The following RSPO2 variants were observed in gnomAD, a reference collection of about 807,000 sequenced individuals.
RSPO2 encodes R-spondin 2.
A neutral mutation model predicts 30.9 loss-of-function variants in RSPO2; 14 were observed. That is an observed-to-expected ratio of 0.45 (90% CI 0.30 to 0.71). The LOEUF (loss-of-function observed/expected upper bound fraction) is 0.71, where lower values mean the gene tolerates loss of function less well. Ranked by LOEUF, RSPO2 falls within the 30% of genes least tolerant of loss-of-function variation. The pLI, the probability that RSPO2 is intolerant of heterozygous loss-of-function variation, is 0.08. For synonymous variants in RSPO2, 107 were observed against 96.4 expected (o/e 1.11, Z -0.64); for missense variants, 264 against 301.9 (o/e 0.87, Z 0.93).
intron 5 of RSPO2, among the ~76,000 whole-genome samples, chr8:107,925,095 G>T (rs1482773291): frequency 6.6e-6 from 1 of 151,850 alleles, no homozygotes; most frequent in Non-Finnish European, 1.5e-5. Context: ...TTTTATGAAT[G>T]CATTTTTGAA....
At chr8:107,926,579 T>A (rs1812379810) in intron 5 of RSPO2, among the ~76,000 whole-genome samples, 1 of 152,128 alleles carries the variant, frequency 6.6e-6, no homozygotes, top group Non-Finnish European at 1.5e-5. Context: ...TTATATAAGG[T>A]GTAAGAAGGG....
chr8:107,901,369 A>C (rs934166180), intron 5 of RSPO2, among the ~76,000 whole-genome samples, 179 bp from the exon 6 acceptor site: 1 of 152,250 alleles, frequency 6.6e-6, no homozygotes, highest in East Asian at 1.9e-4. Context: ...TTACTAAATT[A>C]GATATGCTGT....
At chr8:108,075,678 G>C (rs915343199) in intron 2 of RSPO2, among the ~76,000 whole-genome samples, 1 of 146,716 alleles carries the variant, frequency 6.8e-6, no homozygotes, top group Non-Finnish European at 1.5e-5. Flanking sequence ...TTTTATACCT[G>C]TTTTTTTTTT....
At chr8:107,983,773 A>C in intron 3 of RSPO2, 1 of 1,599,294 alleles carries the variant, frequency 6.3e-7, no homozygotes, top group Non-Finnish European at 8.5e-7. Flanking sequence ...GTAGATGCTG[A>C]TTTTGTAGAA....
chr8:107,998,916 G>A (rs997742222), intron 2 of RSPO2, among the ~76,000 whole-genome samples: 3 of 151,972 alleles, frequency 2.0e-5, no homozygotes, highest in Non-Finnish European at 2.9e-5. Flanking sequence ...GCATGGTGCC[G>A]CATGCCTGTA....
chr8:107,917,168 T>C (rs929116900), intron 5 of RSPO2, among the ~76,000 whole-genome samples: 1 of 152,264 alleles, frequency 6.6e-6, no homozygotes, highest in African/African-American at 2.4e-5. Context: ...GTTTCTTCTA[T>C]CAGAGTAAAG....
intron 2 of RSPO2, among the ~76,000 whole-genome samples, chr8:108,018,337 A>T (rs1439048745): frequency 6.6e-6 from 1 of 152,212 alleles, no homozygotes; most frequent in African/African-American, 2.4e-5. Context: ...GACACATGGC[A>T]CTTGTAATAA....
intron 3 of RSPO2, among the ~76,000 whole-genome samples, chr8:107,965,131 A>T (rs1413095250): frequency 6.6e-6 from 1 of 152,190 alleles, no homozygotes; most frequent in Non-Finnish European, 1.5e-5. Flanking sequence ...TTTCTATAAA[A>T]ATATGGGTTT....
At chr8:108,000,730 G>T (rs376580762) in intron 2 of RSPO2, among the ~76,000 whole-genome samples, 1 of 151,936 alleles carries the variant, frequency 6.6e-6, no homozygotes, top group Non-Finnish European at 1.5e-5. Context: ...TCCCGGGCAC[G>T]GTGGCTCATG....
Position 108,030,058 on chromosome 8 carries a change from A to G in RSPO2, c.95-40814T>C, listed in dbSNP as rs184247281. ...CTCCTTTTGTCTCAGCTCCATGTCA[A>G]TTTTGTTTGGTACCTGGGTTGTAGA... On this transcript the variant is annotated intron_variant, in intron 2 of 5. Transcript: ENST00000276659. 2.4e-3 allele frequency among the ~76,000 whole-genome samples: 334 copies of G among 137,328 alleles called. 5 individuals are homozygous for G. The Admixed American group carries it at 0.025, about 10-fold the overall frequency. The allele number at this position is 137,328 out of a possible 152,430, so 90.1% of individuals were successfully genotyped here.
chr8:107,974,338 GA>G (rs964988944), intron 3 of RSPO2, among the ~76,000 whole-genome samples: 7 of 148,674 alleles, frequency 4.7e-5, no homozygotes, highest in South Asian at 2.1e-4. Flanking sequence ...AAAAAAAAAA[GA>G]AAAAAAGAAA....
intron 3 of RSPO2, among the ~76,000 whole-genome samples, chr8:107,981,289 T>TG (rs892121880): frequency 4.6e-5 from 7 of 151,908 alleles, no homozygotes; most frequent in African/African-American, 1.2e-4. Context: ...GAGGCCAAGA[T>TG]GGGGGGATTT....
At chr8:108,081,632 G>T (rs1813200777) in intron 2 of RSPO2, among the ~76,000 whole-genome samples, 1 of 152,148 alleles carries the variant, frequency 6.6e-6, no homozygotes, top group South Asian at 2.1e-4. Flanking sequence ...TGGATTAGTT[G>T]CATCTCCAGC....
intron 5 of RSPO2, among the ~76,000 whole-genome samples, chr8:107,907,976 A>G (rs777201610): frequency 4.0e-4 from 61 of 152,160 alleles, no homozygotes; most frequent in Non-Finnish European, 6.6e-4. Context: ...TTTCATGTTC[A>G]AAATGATGGA....
At chr8:108,062,426 A>T (rs532920970) in intron 2 of RSPO2, among the ~76,000 whole-genome samples, 1 of 152,024 alleles carries the variant, frequency 6.6e-6, no homozygotes, top group Non-Finnish European at 1.5e-5. Context: ...CAAATAAACT[A>T]GGAAATCTAG....
intron 2 of RSPO2, among the ~76,000 whole-genome samples, chr8:108,003,277 G>GTATATATA (rs59782097): frequency 3.9e-4 from 22 of 56,370 alleles, no homozygotes; most frequent in East Asian, 2.7e-3. Flanking sequence ...GTGTGTGTGT[G>GTATATATA]TATATATATA....
chr8:108,062,821 A>G (rs1812516892), intron 2 of RSPO2, among the ~76,000 whole-genome samples: 1 of 151,814 alleles, frequency 6.6e-6, no homozygotes, highest in South Asian at 2.1e-4. Context: ...CACATCAAAA[A>G]GCTTATCCAC....
intron 2 of RSPO2, among the ~76,000 whole-genome samples, chr8:108,069,338 C>T (rs915294832): frequency 3.3e-5 from 5 of 152,058 alleles, no homozygotes; most frequent in Admixed American, 1.3e-4. Context: ...CTCAGCCTCC[C>T]GAGTAGCTAG....
chr8:107,939,170 C>G (rs1033633624), intron 5 of RSPO2, among the ~76,000 whole-genome samples: 1 of 150,178 alleles, frequency 6.7e-6, no homozygotes, highest in African/African-American at 2.4e-5. Context: ...TTTTTTTTTT[C>G]CTTCCAGTTA....
Sources: gnomAD v4.1 joint callset for allele counts (sites outside exome capture counted in the v4.1 genomes callset) on GRCh38, gnomAD v4.1.1 for gene constraint, MANE v1.5 for transcripts, NCBI Gene and HGNC (gene_info 2026-07-23, HGNC 2026-07-21) for gene names.